TACC2: variants seen among roughly 807,000 people sequenced by gnomAD.
TACC2 encodes the protein transforming acidic coiled-coil-containing protein 2.
A neutral mutation model predicts 227.3 loss-of-function variants in TACC2; 137 were observed. That is an observed-to-expected ratio of 0.60 (90% CI 0.52 to 0.69). The LOEUF is 0.69. Among genes scored for constraint, TACC2 ranks in the 30% least tolerant of loss-of-function variants. The probability of loss-of-function intolerance (pLI) is 0.00; values close to 1 mark genes in which losing one functional copy is unlikely to be tolerated. For synonymous variants in TACC2, 1,523 were observed against 1,487.5 expected (o/e 1.02, Z -0.55); for missense variants, 3,470 against 3,694.4 (o/e 0.94, Z 1.57).
intron 7 of TACC2, among the ~76,000 whole-genome samples, chr10:122,168,529 G>T (rs1259458418): frequency 2.0e-5 from 3 of 152,166 alleles, no homozygotes; most frequent in Admixed American, 2.0e-4. Flanking sequence ...TTCTCTGGGG[G>T]ACTTGCCTGG....
At chr10:122,178,227 T>TTTTC (rs1280017734) in intron 7 of TACC2, among the ~76,000 whole-genome samples, 1 of 142,138 alleles carries the variant, frequency 7.0e-6, no homozygotes. Context: ...ATAAGGGTTT[T>TTTTC]TTTCTTTCTT....
intron 1 of TACC2, among the ~76,000 whole-genome samples, chr10:122,019,160 C>A (rs556086162): frequency 3.9e-5 from 6 of 152,344 alleles, no homozygotes; most frequent in South Asian, 2.1e-4. Context: ...ACAGGGCCTC[C>A]TCCATCCAGG....
At chr10:122,185,513 T>C (rs1458413425) in intron 7 of TACC2, among the ~76,000 whole-genome samples, 1 of 152,194 alleles carries the variant, frequency 6.6e-6, no homozygotes, top group Non-Finnish European at 1.5e-5. Flanking sequence ...TTATCAGTGC[T>C]ATCTATGTGC....
At chr10:122,243,111 T>A (rs1006969496) in intron 19 of TACC2, among the ~76,000 whole-genome samples, 2 of 152,194 alleles carry the variant, frequency 1.3e-5, no homozygotes, top group Non-Finnish European at 2.9e-5. Flanking sequence ...GCCTGGCTAA[T>A]TTTTGTATTT....
chr10:122,211,242 A>T lies in TACC2; in HGVS notation c.6817A>T (p.Lys2273Ter), dbSNP rs745516639. Residue 2273 changes from lysine to a stop codon, truncating the protein, a stop_gained, in exon 9 of 23, where the codon AAG becomes TAG. Coordinates refer to ENST00000369005, the MANE Select transcript of TACC2 (RefSeq NM_206862.4). LOFTEE classifies it high-confidence loss of function. ...VRLEFDYSEDKSSWDNQQENP... is the reference protein window; with the variant it reads ...VRLEFDYSED Reference sequence around the variant, plus strand: ...GCTGGAGTTTGACTATTCTGAGGACAAGAGTAGTTGGGACAACCAGCAGGA... The same window carrying T: ...GCTGGAGTTTGACTATTCTGAGGACTAGAGTAGTTGGGACAACCAGCAGGA... 6.2e-7 allele frequency: 1 copy of T among 1,614,140 alleles called. No individual in the cohort carries two copies. The highest frequency in any genetic ancestry group is 8.5e-7 in the Non-Finnish European group (1 of 1,180,024).
chr10:122,132,166 A>C lies in TACC2; in HGVS notation c.5574-443A>C, dbSNP rs556375086. On this transcript the variant is annotated intron_variant, in intron 5 of 22. Coordinates refer to ENST00000369005, the MANE Select transcript of TACC2 (RefSeq NM_206862.4). ...TAGACTGGTGACAGACCCTGCTTTG[A>C]GCAGCACCAAACTCATCCCTCACAG... is the stretch of plus-strand genomic sequence containing the variant. Among the ~76,000 whole-genome samples, 14 of 152,346 alleles carry C rather than the reference A, an allele frequency of 9.2e-5. No individual in the cohort carries two copies. In the South Asian group the frequency reaches 2.5e-3, roughly 27 times the overall value.
intron 6 of TACC2, 137 bp from the exon 7 acceptor site, chr10:122,143,435 C>T (rs1005541034): frequency 3.8e-5 from 34 of 890,706 alleles, no homozygotes; most frequent in Middle Eastern, 3.8e-4. Flanking sequence ...ATGGGGAAGC[C>T]GGGGAGCCAA....
chr10:122,103,272 G>C (rs2082376252), intron 5 of TACC2, among the ~76,000 whole-genome samples: 1 of 152,274 alleles, frequency 6.6e-6, no homozygotes, highest in Middle Eastern at 3.4e-3. Flanking sequence ...GACTGGTTAG[G>C]AGTTTGAGTT....
rs1312917152 is a variant in TACC2 at position 122,210,912 on chromosome 10, G to C, written c.6487G>C (p.Val2163Leu). Residue 2163 changes from valine to leucine, a missense_variant, in exon 9 of 23, where the codon GTC becomes CTC. Physicochemically the swap from Val to Leu is conservative, Grantham distance 32. Transcript: ENST00000369005. The surrounding 1 kb of genome is among the most constrained non-coding windows in gnomAD (Gnocchi z 4.6). ...TQQEPDEESL[V>L]PSGENLASET... Reference sequence around the variant, plus strand: ...ACAGGAGCCAGATGAAGAGAGCCTTGTCCCCAGTGGGGAGAATCTAGCATC... The same window carrying C: ...ACAGGAGCCAGATGAAGAGAGCCTTCTCCCCAGTGGGGAGAATCTAGCATC... 2 of 1,613,728 alleles carry C rather than the reference G, an allele frequency of 1.2e-6. No homozygotes were observed. The highest frequency in any genetic ancestry group is 1.7e-6 in the Non-Finnish European group (2 of 1,179,976).
chr10:122,048,595 C>A (rs993011363), intron 2 of TACC2, among the ~76,000 whole-genome samples: 1 of 152,062 alleles, frequency 6.6e-6, no homozygotes. Flanking sequence ...TGGGCTCAAG[C>A]AGTCTTCCCA....
chr10:122,213,482 A>T (rs1306085745), intron 9 of TACC2: 1 of 1,197,032 alleles, frequency 8.4e-7, no homozygotes, highest in South Asian at 1.2e-5. Context: ...GCTGCTACTG[A>T]TGTGTTTCTG....
Position 122,216,814 on chromosome 10 carries a change from G to T in TACC2, c.7532G>T (p.Ser2511Ile), listed in dbSNP as rs773263407. 2 of 1,614,106 alleles carry T rather than the reference G, an allele frequency of 1.2e-6. No individual in the cohort carries two copies. The highest frequency in any genetic ancestry group is 1.7e-6 in the Non-Finnish European group (2 of 1,180,028). ...LSTFVNETKF[S>I]SPTEELDYRN... Reference sequence around the variant, plus strand: ...ACCTTTGTAAACGAGACCAAATTCAGTTCACCCACTGAGGGTAAGCAACTC... The same window carrying T: ...ACCTTTGTAAACGAGACCAAATTCATTTCACCCACTGAGGGTAAGCAACTC... The change falls in exon 11 of 23, where the codon AGT (serine) becomes ATT (isoleucine). Residue 2511 changes from serine (S) to isoleucine (I), a missense_variant. Around this residue, in one of 10 missense-constraint regions of TACC2, gnomAD observed 345 missense variants for 354.4 expected, o/e 0.97. Transcript: ENST00000369005.
At chr10:122,054,626 G>A (rs1358009639) in intron 3 of TACC2, among the ~76,000 whole-genome samples, 1 of 152,276 alleles carries the variant, frequency 6.6e-6, no homozygotes, top group Non-Finnish European at 1.5e-5. Context: ...GCCATTTCCT[G>A]TGCTTCCATT....
chr10:122,004,337 G>T (rs1954795304), intron 1 of TACC2, among the ~76,000 whole-genome samples: 1 of 151,426 alleles, frequency 6.6e-6, no homozygotes, highest in African/African-American at 2.4e-5. Context: ...GGCGGAGGTT[G>T]CAGTGAGACA....
intron 8 of TACC2, among the ~76,000 whole-genome samples, chr10:122,199,049 T>C (rs2094685272): frequency 6.6e-6 from 1 of 152,242 alleles, no homozygotes; most frequent in African/African-American, 2.4e-5. Flanking sequence ...ATGCAGCTTC[T>C]TTACTCATTC....
chr10:122,137,260 C>T (rs1286237730), intron 6 of TACC2, among the ~76,000 whole-genome samples: 1 of 151,266 alleles, frequency 6.6e-6, no homozygotes, highest in Non-Finnish European at 1.5e-5. Context: ...GCCACTTGTA[C>T]TCTCATCTGT....
intron 16 of TACC2, among the ~76,000 whole-genome samples, chr10:122,235,689 C>A (rs1199506302): frequency 2.0e-5 from 3 of 152,160 alleles, no homozygotes; most frequent in Admixed American, 2.0e-4. Context: ...CAGAGATGAA[C>A]CCCTGCATGT....
chr10:122,253,444 G>A (rs1026758054), intron 22 of TACC2, among the ~76,000 whole-genome samples: 6 of 152,094 alleles, frequency 3.9e-5, no homozygotes, highest in African/African-American at 1.2e-4. Context: ...GGTGTGGTGG[G>A]AGAATCACCT....
rs1463228044 is a variant in TACC2, at chr10:122,211,834, C to T, written c.7283+126C>T. 13 of 718,822 alleles carry T rather than the reference C, an allele frequency of 1.8e-5. No individual in the cohort carries two copies. The Admixed American group carries it at 3.2e-4, about 18-fold the overall frequency. The allele number at this position is 718,822 out of a possible 1,614,324, so 44.5% of individuals were successfully genotyped here. On this transcript the variant is annotated intron_variant, in intron 9 of 22. Transcript: ENST00000369005. ...GCCCCTGGGTGCTGTGATGATGCCA[C>T]GCTTACGGCCGTTGCACCAAGCAGA... is the stretch of plus-strand genomic sequence containing the variant.
Sources: gnomAD v4.1 joint callset for allele counts (sites outside exome capture counted in the v4.1 genomes callset) on GRCh38, gnomAD v4.1.1 for gene constraint, gnomAD v4.1.1 regional missense constraint, Gnocchi (gnomAD v3.1) non-coding constraint, MANE v1.5 for transcripts, NCBI Gene and HGNC (gene_info 2026-07-23, HGNC 2026-07-21) for gene names.